PLEKHA5: variants seen among roughly 807,000 people sequenced by gnomAD.
PLEKHA5 encodes the protein pleckstrin homology domain-containing family A member 5.
PLEKHA5 carries 55 observed loss-of-function variants against 181.9 expected under a neutral mutation model. The observed-to-expected ratio is 0.30, with a 90% CI of 0.24 to 0.38. The LOEUF (loss-of-function observed/expected upper bound fraction) is 0.38, where lower values mean the gene tolerates loss of function less well. Ranked by LOEUF, PLEKHA5 falls within the 10% of genes least tolerant of loss-of-function variation. The pLI is 1.00. For missense variants in PLEKHA5, 1,432 were observed against 1,549.5 expected (o/e 0.92, Z 1.27); for synonymous variants, 535 against 529.4 (o/e 1.01, Z -0.15).
At chr12:19,339,336 C>T (rs375089992) in intron 21 of PLEKHA5, among the ~76,000 whole-genome samples, 30 of 152,204 alleles carry the variant, frequency 2.0e-4, no homozygotes, top group African/African-American at 5.8e-4. Context: ...CCACCGTGCC[C>T]GGCTATAACT....
At chr12:19,212,971 T>C (rs77595621) in intron 3 of PLEKHA5, among the ~76,000 whole-genome samples, 1 of 152,026 alleles carries the variant, frequency 6.6e-6, no homozygotes, top group Admixed American at 6.6e-5. Flanking sequence ...CCAGTACCTA[T>C]ACTAGATTTC....
intron 3 of PLEKHA5, among the ~76,000 whole-genome samples, chr12:19,164,581 C>T (rs939457137): frequency 6.6e-6 from 1 of 152,090 alleles, no homozygotes; most frequent in Non-Finnish European, 1.5e-5. Flanking sequence ...GGCACTATTG[C>T]CCACCCCTTA....
chr12:19,281,834 T>C (rs569655842), intron 11 of PLEKHA5, among the ~76,000 whole-genome samples: 1 of 152,020 alleles, frequency 6.6e-6, no homozygotes, highest in African/African-American at 2.4e-5. Context: ...CAGGCTGGAG[T>C]GCACTGGCGC....
At chr12:19,132,827 T>C (rs2034369580) in intron 3 of PLEKHA5, among the ~76,000 whole-genome samples, 1 of 144,448 alleles carries the variant, frequency 6.9e-6, no homozygotes, top group African/African-American at 2.5e-5. Flanking sequence ...TAATAGAGGA[T>C]TATTGGTCAT....
chr12:19,197,804 A>T (rs1009194714), intron 3 of PLEKHA5, among the ~76,000 whole-genome samples: 2 of 128,606 alleles, frequency 1.6e-5, no homozygotes, highest in Non-Finnish European at 3.5e-5. Context: ...CTTCATCTCC[A>T]CCTCTTTCCT....
intron 12 of PLEKHA5, among the ~76,000 whole-genome samples, chr12:19,284,542 C>T (rs145519522): frequency 4.9e-4 from 75 of 152,260 alleles, no homozygotes; most frequent in African/African-American, 1.8e-3. Flanking sequence ...TCCTTAAACA[C>T]TCGATTTAAT....
chr12:19,361,743 A>G, intron 29 of PLEKHA5, 37 bp downstream of exon 29: 1 of 1,533,492 alleles, frequency 6.5e-7, no homozygotes, highest in Non-Finnish European at 8.9e-7. Context: ...CATTCACAAA[A>G]CTGTGTAACT....
chr12:19,259,624 G>A (rs560530585), intron 6 of PLEKHA5, among the ~76,000 whole-genome samples: 36 of 151,860 alleles, frequency 2.4e-4, no homozygotes, highest in African/African-American at 8.2e-4. Flanking sequence ...AGTGGTGCAC[G>A]ACTGTAATCC....
chr12:19,215,886 G>A (rs10841180), intron 3 of PLEKHA5, among the ~76,000 whole-genome samples: 85,587 of 152,022 alleles, frequency 0.56, 27,667 homozygotes, highest in Non-Finnish European at 0.74. Context: ...TGTTAGAAAA[G>A]GTTGTATAAT....
chr12:19,131,305 G>T (rs114850110), intron 2 of PLEKHA5, among the ~76,000 whole-genome samples: 184 of 152,302 alleles, frequency 1.2e-3, no homozygotes, highest in African/African-American at 4.3e-3. Context: ...GGAGTTCACT[G>T]AAGTGACTAA....
intron 3 of PLEKHA5, among the ~76,000 whole-genome samples, chr12:19,179,487 C>T (rs891232802): frequency 2.6e-5 from 4 of 151,874 alleles, no homozygotes; most frequent in African/African-American, 7.3e-5. Flanking sequence ...AGCGAAAGCC[C>T]GTCTTTACTA....
chr12:19,205,567 T>G (rs576515787), intron 3 of PLEKHA5: 1 of 156,224 alleles, frequency 6.4e-6, no homozygotes, highest in African/African-American at 2.4e-5. Flanking sequence ...AGCAAGCAAC[T>G]TAGCCGAGAT....
rs60570882 is a variant in PLEKHA5, at chr12:19,255,884, GAAAAAA to G, written c.432+729_432+734del. Reference sequence around the variant, plus strand: ...CTAAGAAAAAAACAATGGAAGATTTGAAAAAAAAAAAAAAAGAAAAGCTCAGAATGC... The same window carrying G: ...CTAAGAAAAAAACAATGGAAGATTTGAAAAAAAAAGAAAAGCTCAGAATGC... On this transcript the variant is annotated intron_variant, in intron 5 of 31. Transcript: ENST00000429027. 4.9e-3 allele frequency among the ~76,000 whole-genome samples: 449 copies of G among 91,918 alleles called. 4 individuals carry two copies. Among genetic ancestry groups the G allele is most frequent in the African/African-American group, 0.018 (435 of 24,824 alleles). The allele number at this position is 91,918 out of a possible 152,430, so 60.3% of individuals were successfully genotyped here. A position where few individuals can be genotyped will look rare whatever the true frequency, so the allele number is the denominator to read the frequency against.
At chr12:19,213,622 A>G (rs1350322988) in intron 3 of PLEKHA5, among the ~76,000 whole-genome samples, 1 of 152,178 alleles carries the variant, frequency 6.6e-6, no homozygotes, top group East Asian at 1.9e-4. Flanking sequence ...GGACAAATTG[A>G]AGGAGGAGGA....
intron 3 of PLEKHA5, among the ~76,000 whole-genome samples, chr12:19,226,272 A>G (rs562150828): frequency 4.6e-5 from 7 of 152,210 alleles, no homozygotes; most frequent in African/African-American, 1.4e-4. Context: ...TCAGTACATC[A>G]TTCCTTTTTA....
intron 19 of PLEKHA5, 50 bp from the exon 20 acceptor site, chr12:19,322,468 A>G: frequency 6.3e-7 from 1 of 1,595,834 alleles, no homozygotes; most frequent in Non-Finnish European, 8.6e-7. Flanking sequence ...AGTAAAAAGA[A>G]TTAATACAAT....
Position 19,162,973 on chromosome 12 carries a change from T to C in PLEKHA5, c.227+30523T>C, listed in dbSNP as rs191264755. Among the ~76,000 whole-genome samples, 4 of 152,308 alleles carry C rather than the reference T, an allele frequency of 2.6e-5. No individual in the cohort carries two copies. In the East Asian group the frequency reaches 7.7e-4, roughly 29 times the overall value. ...TTCATTTTATGCAGAGAAAAAAACC[T>C]AATATTTATTTAGTGCCTTTTAAGT... On this transcript the variant is annotated intron_variant, in intron 3 of 31. Transcript: ENST00000429027.
Position 19,287,563 on chromosome 12 carries a change from A to AAAG in PLEKHA5, c.1863+8_1863+9insAGA. 1 of 1,479,170 alleles carries AAAG rather than the reference A, an allele frequency of 6.8e-7. No homozygotes were observed. The highest frequency in any genetic ancestry group is 9.4e-7 in the Non-Finnish European group (1 of 1,060,412). The allele number at this position is 1,479,170 out of a possible 1,614,324, so 91.6% of individuals were successfully genotyped here. ...GAGCCTCCAAGGGAAAACGGTGAGT[A>AAAG]ATATCTTTATTTACCATACCATGTT... On this transcript the variant is annotated splice_region_variant and intron_variant, in intron 13 of 31. Coordinates refer to ENST00000429027, the MANE Select transcript of PLEKHA5 (RefSeq NM_001256470.2).
chr12:19,250,969 C>T (rs927672794), intron 3 of PLEKHA5, among the ~76,000 whole-genome samples: 6 of 151,816 alleles, frequency 4.0e-5, no homozygotes, highest in Admixed American at 6.6e-5. Context: ...AGATAGGAAC[C>T]GAATAAAAAT....
Sources: gnomAD v4.1 joint callset for allele counts (sites outside exome capture counted in the v4.1 genomes callset) on GRCh38, gnomAD v4.1.1 for gene constraint, MANE v1.5 for transcripts, NCBI Gene and HGNC (gene_info 2026-07-23, HGNC 2026-07-21) for gene names.